The following LARP4B variants were observed in gnomAD, a reference collection of about 807,000 sequenced individuals.
LARP4B encodes the protein la-related protein 4B.
In LARP4B, 12 loss-of-function variants were observed where a neutral mutation model predicts 89.8. That is an observed-to-expected ratio of 0.13 (90% confidence interval 0.09 to 0.22). The LOEUF (loss-of-function observed/expected upper bound fraction) is 0.22. Ranked by LOEUF, LARP4B falls within the 10% of genes least tolerant of loss-of-function variation. The probability of loss-of-function intolerance (pLI) is 1.00; values close to 1 mark genes in which losing one functional copy is unlikely to be tolerated. For synonymous variants in LARP4B, 367 were observed against 363.3 expected (o/e 1.01, Z -0.12); for missense variants, 757 against 947.7 (o/e 0.80, Z 2.64).
chr10:961,176 A>G, the LARP4B span, among the ~76,000 whole-genome samples: 1 of 152,238 alleles, frequency 6.6e-6, no homozygotes. Context: ...AGTTCTTCAG[A>G]GAAGGAAAAT....
chr10:948,008 C>T, the LARP4B span, among the ~76,000 whole-genome samples: 3 of 152,018 alleles, frequency 2.0e-5, no homozygotes, highest in Non-Finnish European at 4.4e-5. Flanking sequence ...GATAGTGGAC[C>T]TGAGACCTGA....
At chr10:901,898 C>G (rs1222083917) in intron 1 of LARP4B, among the ~76,000 whole-genome samples, 1 of 152,108 alleles carries the variant, frequency 6.6e-6, no homozygotes, top group Non-Finnish European at 1.5e-5. Context: ...ACACAAGATA[C>G]AAAAACTTAT....
intron 11 of LARP4B, 21 bp from the exon 12 acceptor site, chr10:825,891 A>C: frequency 6.7e-7 from 1 of 1,483,516 alleles, no homozygotes. Context: ...TTGAAAACAG[A>C]CAAGTAAATA....
At chr10:835,418 A>T (rs566288871) in intron 8 of LARP4B, among the ~76,000 whole-genome samples, 2 of 152,316 alleles carry the variant, frequency 1.3e-5, no homozygotes, top group South Asian at 4.1e-4. Context: ...GGCTGAAATC[A>T]TGTGAGAGAT....
chr10:853,304 A>C (rs1834144357), intron 5 of LARP4B, among the ~76,000 whole-genome samples: 2 of 152,250 alleles, frequency 1.3e-5, no homozygotes, highest in South Asian at 4.1e-4. Flanking sequence ...GAATATAAAA[A>C]TTATGAGTAC....
chr10:934,705 A>G (rs1020700374), upstream of LARP4B, among the ~76,000 whole-genome samples: 2 of 152,294 alleles, frequency 1.3e-5, no homozygotes, highest in East Asian at 1.9e-4. Flanking sequence ...CTTAGACAAG[A>G]TCAGTTTTTT....
chr10:960,277 C>A, the LARP4B span, among the ~76,000 whole-genome samples: 1 of 152,030 alleles, frequency 6.6e-6, no homozygotes, highest in Admixed American at 6.6e-5. Context: ...GATTACTAGG[C>A]CAGTAAAATG....
At chr10:851,328 C>G (rs577916649) in intron 5 of LARP4B, among the ~76,000 whole-genome samples, 1 of 151,956 alleles carries the variant, frequency 6.6e-6, no homozygotes, top group Non-Finnish European at 1.5e-5. Flanking sequence ...GGACCACAGG[C>G]GCCCGCCACC....
At chr10:845,709 G>A (rs1833742848) in intron 5 of LARP4B, among the ~76,000 whole-genome samples, 1 of 152,222 alleles carries the variant, frequency 6.6e-6, no homozygotes, top group Non-Finnish European at 1.5e-5. Context: ...ACAGGGCTGT[G>A]AATTTGGAGC....
chr10:824,282 C>T (rs1003923464), intron 13 of LARP4B, among the ~76,000 whole-genome samples: 1 of 152,160 alleles, frequency 6.6e-6, no homozygotes, highest in African/African-American at 2.4e-5. Context: ...GGCTCTAGGC[C>T]AGGAGTTCAA....
At position 877,968 on chromosome 10, in the gene LARP4B, G is replaced by A. The variant is rs184461671; in HGVS notation, c.141+6479C>T. On this transcript the variant is annotated intron_variant, in intron 3 of 17. Coordinates refer to ENST00000316157, the MANE Select transcript of LARP4B (RefSeq NM_015155.3). ...AAGCCAGAAGTGAGGAGACGGATGC[G>A]GATAGATGGGGCTCGCTGAGAAGGT... is the stretch of plus-strand genomic sequence containing the variant. Among the ~76,000 whole-genome samples the A allele has an allele frequency of 8.5e-5, 13 of 152,300 alleles. No individual in the cohort carries two copies. In the South Asian group the frequency reaches 1.0e-3, roughly 12 times the overall value.
the LARP4B span, among the ~76,000 whole-genome samples, chr10:974,108 G>T: frequency 6.6e-6 from 1 of 152,170 alleles, no homozygotes; most frequent in East Asian, 1.9e-4. Flanking sequence ...CTTCTGCACA[G>T]CTAATCAAAC....
intron 1 of LARP4B, among the ~76,000 whole-genome samples, chr10:928,673 C>A (rs1297742787): frequency 6.6e-6 from 1 of 152,146 alleles, no homozygotes; most frequent in Non-Finnish European, 1.5e-5. Context: ...CCTCAACCTC[C>A]CAAGCTCAAG....
intron 3 of LARP4B, chr10:869,904 AAATAAT>A (rs140243543): frequency 0.41 from 64,202 of 156,702 alleles, 14,753 homozygotes; most frequent in South Asian, 0.46. Flanking sequence ...CTCAAAAAAT[AAATAAT>A]AATAATAATA....
rs1026440398 is a variant in LARP4B at position 851,269 on chromosome 10, C to G, written c.431-6214G>C. On this transcript the variant is annotated intron_variant, in intron 5 of 17. Coordinates refer to ENST00000316157, the MANE Select transcript of LARP4B (RefSeq NM_015155.3). ...TGCGATCCTGGCTCACTGCAACCTACGTTTCCTGGGTTCAAGCAGTTCTCC... is the reference window on the plus strand; with the variant it reads ...TGCGATCCTGGCTCACTGCAACCTAGGTTTCCTGGGTTCAAGCAGTTCTCC... 5.3e-5 allele frequency among the ~76,000 whole-genome samples: 8 copies of G among 150,286 alleles called. No individual in the cohort carries two copies. The South Asian group carries it at 1.3e-3, about 24-fold the overall frequency.
the LARP4B span, among the ~76,000 whole-genome samples, chr10:939,091 G>A: frequency 3.9e-5 from 6 of 152,206 alleles, no homozygotes; most frequent in African/African-American, 9.6e-5. Context: ...ATTTTAATTC[G>A]TCATAGACAT....
At chr10:880,598 A>T (rs1835631486) in intron 3 of LARP4B, among the ~76,000 whole-genome samples, 2 of 152,208 alleles carry the variant, frequency 1.3e-5, no homozygotes, top group African/African-American at 4.8e-5. Flanking sequence ...AGGCACAAGA[A>T]TAGCTTGAAC....
At chr10:891,529 G>T (rs1481917718) in intron 1 of LARP4B, among the ~76,000 whole-genome samples, 1 of 152,168 alleles carries the variant, frequency 6.6e-6, no homozygotes, top group Non-Finnish European at 1.5e-5. Flanking sequence ...TACAATGTGT[G>T]AAATCTTCCT....
chr10:954,052 A>T, the LARP4B span, among the ~76,000 whole-genome samples: 1 of 152,210 alleles, frequency 6.6e-6, no homozygotes, highest in Admixed American at 6.5e-5. This position sits in a 1 kb window ranked among gnomAD's most constrained non-coding sequence, Gnocchi z 5.0. Flanking sequence ...TGTGTGTGAC[A>T]TTGGCCGGGA....
Sources: allele counts gnomAD v4.1 joint callset (sites outside exome capture counted in the v4.1 genomes callset), GRCh38; gene constraint gnomAD v4.1.1; non-coding constraint Gnocchi (gnomAD v3.1); transcripts MANE v1.5; gene names NCBI Gene and HGNC (gene_info 2026-07-23, HGNC 2026-07-21).